FAM81A: variants seen among roughly 807,000 people sequenced by gnomAD.
FAM81A encodes the protein family with sequence similarity 81 member A, also known as protein FAM81A.
In FAM81A, 19 loss-of-function variants were observed where a neutral mutation model predicts 46.7. The observed-to-expected ratio is 0.41, with a 90% CI of 0.28 to 0.60. The LOEUF is 0.60. Among genes scored for constraint, FAM81A ranks in the 20% least tolerant of loss-of-function variants. FAM81A has a pLI of 0.34. For synonymous variants in FAM81A, 183 were observed against 152.9 expected, an observed-to-expected ratio of 1.20 and a Z score of -1.45; for missense variants, 377 against 453.5, an observed-to-expected ratio of 0.83 and a Z score of 1.53.
chr15:59,463,144 T>A (rs1409380398), intron 3 of FAM81A, among the ~76,000 whole-genome samples: 1 of 152,218 alleles, frequency 6.6e-6, no homozygotes, highest in African/African-American at 2.4e-5. Context: ...ATTCTCAGTT[T>A]ATACACTTAG....
chr15:59,505,347 A>T (rs753655892), intron 4 of FAM81A, among the ~76,000 whole-genome samples: 1 of 152,096 alleles, frequency 6.6e-6, no homozygotes, highest in South Asian at 2.1e-4. Context: ...CCTCATGTTT[A>T]CTAAAAATAC....
chr15:59,417,434 G>C (rs569977024), intron 2 of FAM81A, among the ~76,000 whole-genome samples: 5 of 152,098 alleles, frequency 3.3e-5, no homozygotes, highest in African/African-American at 1.2e-4. Context: ...GGCTGGATGT[G>C]TTGGCTCACA....
At chr15:59,427,948 T>C (rs2081202362) in intron 2 of FAM81A, among the ~76,000 whole-genome samples, 1 of 152,276 alleles carries the variant, frequency 6.6e-6, no homozygotes, top group African/African-American at 2.4e-5. Context: ...GGTCATATGA[T>C]AGCTCTATTT....
chr15:59,422,751 C>T (rs1292996216), intron 2 of FAM81A, among the ~76,000 whole-genome samples: 1 of 152,176 alleles, frequency 6.6e-6, no homozygotes, highest in Non-Finnish European at 1.5e-5. Context: ...GCTGGGATTA[C>T]AGGCGTGAGC....
intron 1 of FAM81A, chr15:59,401,856 T>C (rs1227882937): frequency 1.5e-5 from 11 of 750,384 alleles, no homozygotes; most frequent in Non-Finnish European, 2.7e-5. Context: ...CTGTTTATGG[T>C]AAGGCTTAGC....
intron 2 of FAM81A, among the ~76,000 whole-genome samples, chr15:59,422,022 T>A (rs1168225941): frequency 6.6e-6 from 1 of 152,154 alleles, no homozygotes; most frequent in Non-Finnish European, 1.5e-5. Flanking sequence ...ATAAGGTACA[T>A]AACAGGTGTT....
intron 1 of FAM81A, among the ~76,000 whole-genome samples, chr15:59,448,545 A>G (rs1297772812): frequency 6.6e-6 from 1 of 152,162 alleles, no homozygotes; most frequent in East Asian, 1.9e-4. Flanking sequence ...AGATAGGTAG[A>G]TAGATAGATA....
At chr15:59,499,555 A>G (rs2082069371) in intron 4 of FAM81A, among the ~76,000 whole-genome samples, 1 of 152,184 alleles carries the variant, frequency 6.6e-6, no homozygotes, top group African/African-American at 2.4e-5. Context: ...TTTTAGCCTG[A>G]CAGACTTCGT....
intron 2 of FAM81A, among the ~76,000 whole-genome samples, chr15:59,418,216 G>A (rs1352858307): frequency 2.0e-5 from 3 of 152,156 alleles, no homozygotes; most frequent in Non-Finnish European, 4.4e-5. Flanking sequence ...AGCACATTGA[G>A]GGCACGATGT....
chr15:59,428,354 T>C (rs1462128008), intron 2 of FAM81A, among the ~76,000 whole-genome samples: 1 of 151,954 alleles, frequency 6.6e-6, no homozygotes, highest in Non-Finnish European at 1.5e-5. Flanking sequence ...GTGATTGCTC[T>C]CCATCAGACC....
intron 2 of FAM81A, among the ~76,000 whole-genome samples, chr15:59,421,391 G>GT (rs1179810669): frequency 1.3e-5 from 2 of 152,138 alleles, no homozygotes; most frequent in Non-Finnish European, 2.9e-5. Context: ...ACCTGGGGAG[G>GT]ACCTTAGTTT....
intron 4 of FAM81A, among the ~76,000 whole-genome samples, chr15:59,503,992 A>G (rs1333571807): frequency 6.6e-6 from 1 of 152,206 alleles, no homozygotes; most frequent in East Asian, 1.9e-4. Flanking sequence ...GACTTTTCAA[A>G]CTACATTTTA....
In FAM81A at chr15:59,460,359, C is replaced by A. The variant is rs751752529; in HGVS notation, c.294+153C>A. On this transcript the variant is annotated intron_variant, in intron 3 of 8. Transcript: ENST00000288228. This position sits in a 1 kb window ranked among gnomAD's most constrained non-coding sequence, Gnocchi z 4.4. ...CTATTCTTAATGATCGCCAAGGAGA[C>A]AGCTTGCAGAAATATCCTAATTAAA... The A allele has an allele frequency of 1.0e-6, 1 of 997,918 alleles. No individual in the cohort carries two copies. Among genetic ancestry groups the A allele is most frequent in the Non-Finnish European group, 1.6e-6 (1 of 632,392 alleles). 61.8% of individuals were successfully genotyped at this position (997,918 alleles called of 1,614,324 possible).
At chr15:59,461,549 G>A (rs1359267398) in intron 3 of FAM81A, among the ~76,000 whole-genome samples, 1 of 152,092 alleles carries the variant, frequency 6.6e-6, no homozygotes, top group Non-Finnish European at 1.5e-5. Flanking sequence ...TTGAACTCCT[G>A]GGCTCAAGCA....
chr15:59,481,150 A>G (rs1231477314), intron 3 of FAM81A, among the ~76,000 whole-genome samples: 1 of 151,130 alleles, frequency 6.6e-6, no homozygotes, highest in Admixed American at 6.6e-5. Context: ...GTGCACCACA[A>G]CTCTTGGCTA....
At chr15:59,419,671 C>T (rs62015017) in intron 2 of FAM81A, among the ~76,000 whole-genome samples, 23,591 of 152,076 alleles carry the variant, frequency 0.16, 2,326 homozygotes, top group South Asian at 0.27. Flanking sequence ...GTCAGGAGTT[C>T]GAGACCAGCC....
At position 59,451,565 on chromosome 15, in the gene FAM81A, G is replaced by T. The variant is rs143585511; in HGVS notation, c.-77-6985G>T. Among the ~76,000 whole-genome samples the T allele has an allele frequency of 7.2e-5, 11 of 151,754 alleles. No individual in the cohort carries two copies. In the East Asian group the frequency reaches 9.7e-4, roughly 13 times the overall value. ...TCTTCTGGGTTCAAGTGATTCTTCT[G>T]CCTGAGCCTTCCGAGTAGCTGCGAT... On this transcript the variant is annotated intron_variant, in intron 1 of 8. Transcript: ENST00000288228.
At chr15:59,477,289 G>T (rs529108437) in intron 3 of FAM81A, among the ~76,000 whole-genome samples, 101 of 152,084 alleles carry the variant, frequency 6.6e-4, no homozygotes, top group African/African-American at 2.3e-3. Flanking sequence ...TCTGTAAATT[G>T]CCTGAGTTTT....
chr15:59,414,876 T>C (rs186255787), intron 2 of FAM81A, among the ~76,000 whole-genome samples: 182 of 149,406 alleles, frequency 1.2e-3, no homozygotes, highest in African/African-American at 4.2e-3. Context: ...AGTGCAGTGG[T>C]GGGATCTCAG....
Sources: gnomAD v4.1 joint callset for allele counts (sites outside exome capture counted in the v4.1 genomes callset) on GRCh38, gnomAD v4.1.1 for gene constraint, Gnocchi (gnomAD v3.1) non-coding constraint, MANE v1.5 for transcripts, NCBI Gene and HGNC (gene_info 2026-07-23, HGNC 2026-07-21) for gene names.